Variants in ARHGAP24 observed in about 807,000 individuals in gnomAD.
ARHGAP24 encodes Rho GTPase activating protein 24.
A neutral mutation model predicts 76.4 loss-of-function variants in ARHGAP24; 50 were observed. That is an observed-to-expected ratio of 0.65 (90% CI 0.52 to 0.83). The LOEUF (loss-of-function observed/expected upper bound fraction) is 0.83. Among genes scored for constraint, ARHGAP24 ranks in the 40% least tolerant of loss-of-function variants. The pLI, the probability that ARHGAP24 is intolerant of heterozygous loss-of-function variation, is 0.00. For missense variants in ARHGAP24, 930 were observed against 914.2 expected, an observed-to-expected ratio of 1.02 and a Z score of -0.22; for synonymous variants, 345 against 323.3, an observed-to-expected ratio of 1.07 and a Z score of -0.72.
At chr4:85,791,508 C>A (rs772392098) in intron 3 of ARHGAP24, among the ~76,000 whole-genome samples, 5 of 152,130 alleles carry the variant, frequency 3.3e-5, no homozygotes, top group African/African-American at 4.8e-5. Flanking sequence ...AGAGTTATAT[C>A]AATTATATCT....
chr4:85,983,831 A>G (rs1341836897), intron 8 of ARHGAP24, among the ~76,000 whole-genome samples: 2 of 152,156 alleles, frequency 1.3e-5, no homozygotes, highest in East Asian at 3.9e-4. Context: ...TTACGTCCAC[A>G]AATAAGTTTC....
intron 2 of ARHGAP24, among the ~76,000 whole-genome samples, chr4:85,586,129 C>A (rs1342109974): frequency 6.6e-6 from 1 of 152,010 alleles, no homozygotes; most frequent in Non-Finnish European, 1.5e-5. Context: ...CTTTTTTTCC[C>A]CCCTCTCTTT....
intron 3 of ARHGAP24, among the ~76,000 whole-genome samples, chr4:85,786,773 A>G (rs1727864062): frequency 6.6e-6 from 1 of 152,146 alleles, no homozygotes; most frequent in Admixed American, 6.6e-5. Context: ...ACTTTCTCAT[A>G]TACATGGCTG....
intron 5 of ARHGAP24, among the ~76,000 whole-genome samples, chr4:85,948,536 A>T (rs1737417128): frequency 6.6e-6 from 1 of 152,324 alleles, no homozygotes; most frequent in Middle Eastern, 3.4e-3. Flanking sequence ...CTGTAAGAAC[A>T]GATGTGCCCT....
intron 3 of ARHGAP24, among the ~76,000 whole-genome samples, chr4:85,912,334 C>T (rs1362543002): frequency 6.6e-6 from 1 of 152,114 alleles, no homozygotes; most frequent in African/African-American, 2.4e-5. Context: ...ACATCCTGCT[C>T]TCCCACACAT....
intron 2 of ARHGAP24, among the ~76,000 whole-genome samples, chr4:85,702,131 A>G (rs1478452416): frequency 1.3e-5 from 2 of 152,282 alleles, no homozygotes; most frequent in African/African-American, 4.8e-5. Context: ...ATATATGTAT[A>G]TAATATATAC....
chr4:85,579,283 A>G (rs1274592978), intron 2 of ARHGAP24, among the ~76,000 whole-genome samples: 1 of 152,236 alleles, frequency 6.6e-6, no homozygotes, highest in Non-Finnish European at 1.5e-5. Context: ...CAGGTAGTCC[A>G]TATTCAGACT....
At chr4:85,797,161 GTTTTTT>G (rs71672797) in intron 3 of ARHGAP24, among the ~76,000 whole-genome samples, 35,496 of 148,372 alleles carry the variant, frequency 0.24, 5,208 homozygotes, top group Non-Finnish European at 0.33. Context: ...AATTTTTTTT[GTTTTTT>G]TTTTTGTTTT....
intron 2 of ARHGAP24, among the ~76,000 whole-genome samples, chr4:85,580,416 T>C (rs961702770): frequency 2.6e-5 from 4 of 152,168 alleles, no homozygotes; most frequent in Admixed American, 1.3e-4. Flanking sequence ...TTGTCCTTTT[T>C]CTTCACCTTT....
intron 7 of ARHGAP24, chr4:85,975,785 T>C (rs1013726245): frequency 6.6e-6 from 1 of 152,230 alleles, no homozygotes; most frequent in African/African-American, 2.4e-5. Context: ...ATCATTTATG[T>C]GTGTGTTTGG....
chr4:85,921,546 T>TTA (rs147037870), intron 3 of ARHGAP24, among the ~76,000 whole-genome samples: 6,380 of 151,392 alleles, frequency 0.042, 171 homozygotes, highest in Non-Finnish European at 0.064. Context: ...AAAGTTTTTT[T>TTA]AAAAAAAAAG....
chr4:85,531,156 C>T (rs759898349), intron 1 of ARHGAP24, among the ~76,000 whole-genome samples: 4 of 151,900 alleles, frequency 2.6e-5, no homozygotes, highest in Non-Finnish European at 5.9e-5. Context: ...TTGGCCTGAT[C>T]TACAGGGTCA....
At chr4:85,790,253 T>G (rs1414717331) in intron 3 of ARHGAP24, among the ~76,000 whole-genome samples, 1 of 152,186 alleles carries the variant, frequency 6.6e-6, no homozygotes, top group Non-Finnish European at 1.5e-5. Context: ...CCTCTCGGAC[T>G]GTCTCTTGCA....
intron 1 of ARHGAP24, among the ~76,000 whole-genome samples, chr4:85,561,154 A>T (rs1196552783): frequency 6.6e-6 from 1 of 152,190 alleles, no homozygotes; most frequent in East Asian, 1.9e-4. Context: ...CATGTCCAGG[A>T]TGGTATCATG....
Position 85,785,632 on chromosome 4 carries a change from T to C in ARHGAP24, c.268+63660T>C, listed in dbSNP as rs528738192. ...ATATGTGGTTTTCTTTATTTATTCT[T>C]AGTGTCACAAAACAAGCAACTGGAG... On this transcript the variant is annotated intron_variant, in intron 3 of 9. Transcript: ENST00000395184. 3.9e-5 allele frequency among the ~76,000 whole-genome samples: 6 copies of C among 152,292 alleles called. No homozygotes were observed. The East Asian group carries it at 7.7e-4, about 20-fold the overall frequency.
At chr4:85,487,439 T>C (rs1723126007) in intron 1 of ARHGAP24, among the ~76,000 whole-genome samples, 1 of 92,280 alleles carries the variant, frequency 1.1e-5, no homozygotes, top group Admixed American at 1.6e-4. Flanking sequence ...TATATAAATA[T>C]ATATTTATTA....
intron 1 of ARHGAP24, among the ~76,000 whole-genome samples, chr4:85,505,798 A>T (rs1724021847): frequency 6.6e-6 from 1 of 152,028 alleles, no homozygotes. Flanking sequence ...TTTGAAGAAG[A>T]GGTGCTCTGG....
chr4:85,622,715 A>G (rs1414978293), intron 2 of ARHGAP24, among the ~76,000 whole-genome samples: 1 of 152,328 alleles, frequency 6.6e-6, no homozygotes, highest in Non-Finnish European at 1.5e-5. Context: ...TCCCAACAAC[A>G]GTGTAAAAGT....
intron 1 of ARHGAP24, among the ~76,000 whole-genome samples, chr4:85,483,698 G>A (rs1722907089): frequency 6.6e-6 from 1 of 152,138 alleles, no homozygotes; most frequent in African/African-American, 2.4e-5. Context: ...GTGTGTGTGT[G>A]TGTGCATTTC....
Sources: gnomAD v4.1 joint callset for allele counts (sites outside exome capture counted in the v4.1 genomes callset) on GRCh38, gnomAD v4.1.1 for gene constraint, MANE v1.5 for transcripts, NCBI Gene and HGNC (gene_info 2026-07-23, HGNC 2026-07-21) for gene names.